The following SRPK2 variants were observed in gnomAD, a reference collection of about 807,000 sequenced individuals.
The protein encoded by SRPK2 is SRSF protein kinase 2.
In SRPK2, 21 loss-of-function variants were observed where a neutral mutation model predicts 90.8. That is an observed-to-expected ratio of 0.23 (90% CI 0.16 to 0.33). SRPK2 has a LOEUF of 0.33. SRPK2 is among the 10% of genes least tolerant of loss of function. SRPK2 has a pLI of 1.00. For missense variants in SRPK2, 620 were observed against 869.0 expected (o/e 0.71, Z 3.60); for synonymous variants, 288 against 311.1 (o/e 0.93, Z 0.78).
chr7:105,196,602 T>G (rs1935888369), intron 3 of SRPK2, among the ~76,000 whole-genome samples: 1 of 152,194 alleles, frequency 6.6e-6, no homozygotes, highest in Non-Finnish European at 1.5e-5. Flanking sequence ...ACAAATGGAC[T>G]CCCAGGGGTC....
intron 2 of SRPK2, chr7:105,204,880 A>G (rs1264457486): frequency 2.4e-6 from 1 of 414,818 alleles, no homozygotes; most frequent in Admixed American, 3.4e-5. Flanking sequence ...GAGCAGGTGG[A>G]ATCTTGGTGT....
chr7:105,392,008 TA>T (rs777910275), upstream of SRPK2, among the ~76,000 whole-genome samples: 5 of 152,342 alleles, frequency 3.3e-5, no homozygotes, highest in South Asian at 2.1e-4. Context: ...TACACTGGAA[TA>T]TTTTTTTGGC....
At chr7:105,366,330 G>T (rs1819048463) in intron 2 of SRPK2, among the ~76,000 whole-genome samples, 1 of 146,626 alleles carries the variant, frequency 6.8e-6, no homozygotes, top group South Asian at 2.1e-4. Context: ...CAGTGACTTT[G>T]CTTTTTCTCT....
At chr7:105,126,001 C>T in intron 15 of SRPK2, 1 of 650,526 alleles carries the variant, frequency 1.5e-6, no homozygotes, top group Non-Finnish European at 2.6e-6. Flanking sequence ...AAAGTACAGG[C>T]CTTCCTCGCG....
chr7:105,146,380 C>CT, intron 8 of SRPK2, 113 bp downstream of exon 8: 5 of 1,117,618 alleles, frequency 4.5e-6, no homozygotes, highest in Non-Finnish European at 6.2e-6. Context: ...AGCAATTAAA[C>CT]TTTTCCAAAA....
intron 2 of SRPK2, among the ~76,000 whole-genome samples, chr7:105,344,406 CCTTTTT>C (rs1251813713): frequency 3.9e-5 from 5 of 128,612 alleles, no homozygotes; most frequent in African/African-American, 5.7e-5. Flanking sequence ...TGCAGCCACA[CCTTTTT>C]TTTTTTTTTT....
chr7:105,295,561 C>A (rs767407087), intron 2 of SRPK2, among the ~76,000 whole-genome samples: 1 of 151,908 alleles, frequency 6.6e-6, no homozygotes, highest in African/African-American at 2.4e-5. Context: ...TATGTGGTAG[C>A]GAGAATAAGC....
chr7:105,298,552 A>AT (rs1345649062), intron 2 of SRPK2, among the ~76,000 whole-genome samples: 1 of 152,198 alleles, frequency 6.6e-6, no homozygotes, highest in African/African-American at 2.4e-5. Flanking sequence ...AAATTGTGAG[A>AT]TGACTGCTTG....
chr7:105,144,056 A>T (rs570164227), intron 9 of SRPK2: 1 of 152,392 alleles, frequency 6.6e-6, no homozygotes, highest in Admixed American at 6.5e-5. Flanking sequence ...GAGCTGTCTC[A>T]GTAAAAATAG....
At chr7:105,289,602 T>C (rs1808677474) in intron 2 of SRPK2, among the ~76,000 whole-genome samples, 2 of 152,198 alleles carry the variant, frequency 1.3e-5, no homozygotes, top group Non-Finnish European at 2.9e-5. Context: ...CATAAAAATA[T>C]AAATTATTCA....
intron 2 of SRPK2, among the ~76,000 whole-genome samples, chr7:105,366,993 T>C (rs1435374945): frequency 6.6e-6 from 1 of 152,194 alleles, no homozygotes; most frequent in African/African-American, 2.4e-5. Context: ...CCCATGGTGT[T>C]ATTCAAAGTT....
rs935405943 is a variant in SRPK2, at chr7:105,209,010, T to C, written c.72-5225A>G. On this transcript the variant is annotated intron_variant, in intron 2 of 15. Coordinates refer to ENST00000393651, the MANE Select transcript of SRPK2 (RefSeq NM_182692.3). ...ATAAAAGAAAACCCCAATACAGCTA[T>C]AGATATTTTAAATATCCAACACTAC... Among the ~76,000 whole-genome samples the C allele has an allele frequency of 5.3e-5, 8 of 152,208 alleles. No homozygotes were observed. The East Asian group carries it at 7.7e-4, about 15-fold the overall frequency.
chr7:105,307,381 T>C (rs900155044), intron 2 of SRPK2, among the ~76,000 whole-genome samples: 2 of 152,190 alleles, frequency 1.3e-5, no homozygotes, highest in Non-Finnish European at 2.9e-5. Flanking sequence ...AGAGAACCAA[T>C]GTGTAATAAG....
At chr7:105,178,028 CAA>C (rs748165970) in intron 3 of SRPK2, among the ~76,000 whole-genome samples, 15 of 57,110 alleles carry the variant, frequency 2.6e-4, no homozygotes, top group East Asian at 4.6e-4. Flanking sequence ...GACTCCGTCT[CAA>C]AAAAAAAAAA....
chr7:105,289,239 A>T (rs1463658330), intron 2 of SRPK2, among the ~76,000 whole-genome samples: 2 of 151,788 alleles, frequency 1.3e-5, no homozygotes, highest in African/African-American at 2.4e-5. Flanking sequence ...GCGCCACTGC[A>T]CTCCAGCCTG....
intron 3 of SRPK2, among the ~76,000 whole-genome samples, chr7:105,182,035 C>T (rs556278407): frequency 6.6e-6 from 1 of 151,706 alleles, no homozygotes; most frequent in Non-Finnish European, 1.5e-5. Flanking sequence ...TCAAGACCAG[C>T]CTGGCCAGCA....
chr7:105,152,688 T>C (rs1340163238), intron 7 of SRPK2, among the ~76,000 whole-genome samples: 1 of 152,196 alleles, frequency 6.6e-6, no homozygotes, highest in Non-Finnish European at 1.5e-5. Flanking sequence ...TACTAATTCT[T>C]TCCTCTGTTG....
At chr7:105,389,255 G>C, upstream of SRPK2, 6 of 1,255,834 alleles carry the variant, frequency 4.8e-6, no homozygotes, top group Non-Finnish European at 6.2e-6. Flanking sequence ...CCGGCCGGTC[G>C]CGCCGCCCGC....
At chr7:105,379,329 TA>T (rs1820671383) in intron 2 of SRPK2, among the ~76,000 whole-genome samples, 1 of 152,042 alleles carries the variant, frequency 6.6e-6, no homozygotes, top group African/African-American at 2.4e-5. Context: ...ATTGTATATA[TA>T]TTATTAGTAA....
Sources: gnomAD v4.1 joint callset for allele counts (sites outside exome capture counted in the v4.1 genomes callset) on GRCh38, gnomAD v4.1.1 for gene constraint, MANE v1.5 for transcripts, NCBI Gene and HGNC (gene_info 2026-07-23, HGNC 2026-07-21) for gene names.